Variants in PKN2 observed in about 807,000 individuals in gnomAD.
PKN2 encodes serine/threonine-protein kinase N2.
In PKN2, 38 loss-of-function variants were observed where a neutral mutation model predicts 119.1. The observed-to-expected ratio is 0.32, with a 90% CI of 0.25 to 0.42. PKN2 has a LOEUF of 0.42. PKN2 is among the 10% of genes least tolerant of loss of function. The probability of loss-of-function intolerance (pLI) is 1.00; values close to 1 mark genes in which losing one functional copy is unlikely to be tolerated. For synonymous variants in PKN2, 390 were observed against 384.9 expected (o/e 1.01, Z -0.15); for missense variants, 850 against 1,165.1 (o/e 0.73, Z 3.94).
At chr1:88,793,940 C>G (rs1670949715) in intron 8 of PKN2, among the ~76,000 whole-genome samples, 1 of 152,188 alleles carries the variant, frequency 6.6e-6, no homozygotes, top group Non-Finnish European at 1.5e-5. Flanking sequence ...CCCACAGATA[C>G]AGAGGGTGGA....
intron 2 of PKN2, among the ~76,000 whole-genome samples, chr1:88,752,916 G>T (rs1344083646): frequency 6.6e-6 from 1 of 151,696 alleles, no homozygotes. Context: ...TATTACATTT[G>T]GGTTTATATT....
chr1:88,741,228 C>T lies in PKN2; in HGVS notation c.289C>T (p.His97Tyr). The T allele has an allele frequency of 6.2e-7, 1 of 1,601,200 alleles. No individual in the cohort carries two copies. The highest frequency in any genetic ancestry group is 8.5e-7 in the Non-Finnish European group (1 of 1,176,060). ...ATCAAATAAAAAATTAGAAGAACTA[C>T]ATCACAAGCTGCAGGAATTAAATGC... ...KKSNKKLEEL[H>Y]HKLQELNAHI... The change falls in exon 2 of 22, where the codon CAT (histidine) becomes TAT (tyrosine). Residue 97 changes from histidine to tyrosine, a missense_variant. Physicochemically the swap from His to Tyr is moderately conservative, Grantham distance 83. Coordinates refer to ENST00000370521, the MANE Select transcript of PKN2 (RefSeq NM_006256.4).
At chr1:88,828,383 T>G in intron 18 of PKN2, 98 bp from the exon 19 acceptor site, 1 of 991,868 alleles carries the variant, frequency 1.0e-6, no homozygotes, top group East Asian at 2.5e-5. Context: ...TGCACAAATG[T>G]GCAACTTTAA....
intron 3 of PKN2, 99 bp from the exon 4 acceptor site, chr1:88,770,253 T>C: frequency 4.6e-6 from 3 of 653,192 alleles, no homozygotes; most frequent in Non-Finnish European, 8.2e-6. Context: ...TAACTCTGTT[T>C]TTCACTTGCT....
chr1:88,772,771 A>G (rs1417877146), intron 6 of PKN2, among the ~76,000 whole-genome samples: 1 of 152,178 alleles, frequency 6.6e-6, no homozygotes, highest in East Asian at 1.9e-4. Context: ...CAGCATTTAC[A>G]TTATTTTATA....
At chr1:88,705,982 A>G (rs980005743) in intron 1 of PKN2, among the ~76,000 whole-genome samples, 4 of 152,010 alleles carry the variant, frequency 2.6e-5, no homozygotes, top group Non-Finnish European at 4.4e-5. Context: ...TAGGTTCTTT[A>G]TATTTCCATA....
rs1195029330 is a variant in PKN2 at position 88,834,000 on chromosome 1, ATGAAT to A, written c.*556_*560del. On this transcript the variant is annotated 3_prime_UTR_variant, in exon 22 of 22. Coordinates refer to ENST00000370521, the MANE Select transcript of PKN2 (RefSeq NM_006256.4). ...GCTTGATTTTTTTTAAAAAAACAGAATGAATTGATGTCTTATTTTATAAATGTTCT... is the reference window on the plus strand; with the variant it reads ...GCTTGATTTTTTTTAAAAAAACAGAATGATGTCTTATTTTATAAATGTTCT... 1 of 152,084 alleles carries A rather than the reference ATGAAT, an allele frequency of 6.6e-6. No homozygotes were observed. Among genetic ancestry groups the A allele is most frequent in the Non-Finnish European group, 1.5e-5 (1 of 68,000 alleles). The allele number at this position is 152,084 out of a possible 1,614,324, so 9.4% of individuals were successfully genotyped here.
intron 1 of PKN2, among the ~76,000 whole-genome samples, chr1:88,703,214 T>C (rs1457872944): frequency 1.3e-5 from 2 of 152,158 alleles, no homozygotes; most frequent in Admixed American, 1.3e-4. Flanking sequence ...TTTTTTTTAA[T>C]GTATAGTGAG....
intron 8 of PKN2, among the ~76,000 whole-genome samples, chr1:88,790,546 T>A (rs551374736): frequency 6.6e-6 from 1 of 152,312 alleles, no homozygotes; most frequent in Admixed American, 6.5e-5. Context: ...TCCCTTGATT[T>A]TTAATATTTA....
intron 2 of PKN2, among the ~76,000 whole-genome samples, chr1:88,741,729 C>T (rs1337817810): frequency 1.3e-5 from 2 of 151,982 alleles, no homozygotes; most frequent in African/African-American, 4.8e-5. Context: ...ATTCTTTGTG[C>T]TCTAAGCAAC....
chr1:88,755,545 G>T (rs907079601), intron 2 of PKN2, among the ~76,000 whole-genome samples: 4 of 152,080 alleles, frequency 2.6e-5, no homozygotes, highest in Non-Finnish European at 5.9e-5. Flanking sequence ...ATGACTTCTT[G>T]TGAAGATTAA....
chr1:88,832,931 T>C, intron 20 of PKN2, 80 bp downstream of exon 20: 2 of 1,202,464 alleles, frequency 1.7e-6, no homozygotes, highest in South Asian at 2.9e-5. Context: ...CAGTAGAACT[T>C]TAAAAGCTGT....
At chr1:88,698,410 T>C (rs1666627499) in intron 1 of PKN2, among the ~76,000 whole-genome samples, 1 of 152,164 alleles carries the variant, frequency 6.6e-6, no homozygotes, top group Non-Finnish European at 1.5e-5. Context: ...CAAGAAAATA[T>C]TCTTTATGGT....
chr1:88,786,051 G>T, intron 7 of PKN2, 53 bp from the exon 8 acceptor site: 2 of 1,099,774 alleles, frequency 1.8e-6, no homozygotes. Context: ...CAGTACTTCT[G>T]TTTTTTATAA....
intron 1 of PKN2, among the ~76,000 whole-genome samples, chr1:88,734,236 C>T (rs1452443411): frequency 6.6e-6 from 1 of 151,860 alleles, no homozygotes; most frequent in African/African-American, 2.4e-5. Context: ...CTTTTGTTGC[C>T]CATGCTTTTC....
At chr1:88,788,501 A>G (rs1245454896) in intron 8 of PKN2, among the ~76,000 whole-genome samples, 6 of 151,662 alleles carry the variant, frequency 4.0e-5, no homozygotes, top group African/African-American at 1.5e-4. Context: ...GCTGGAGTGC[A>G]ATGGCACAAT....
chr1:88,689,222 T>TATTAC (rs1666235831), intron 1 of PKN2, among the ~76,000 whole-genome samples: 1 of 152,192 alleles, frequency 6.6e-6, no homozygotes, highest in Admixed American at 6.5e-5. Context: ...CCAGAAAATG[T>TATTAC]GGAAAAGCAC....
chr1:88,690,564 A>C (rs1485170899), intron 1 of PKN2, among the ~76,000 whole-genome samples: 1 of 152,222 alleles, frequency 6.6e-6, no homozygotes, highest in Non-Finnish European at 1.5e-5. Context: ...TAAAATTTAG[A>C]GTGGGAAAAA....
chr1:88,786,024 T>C (rs976877754), intron 7 of PKN2, 80 bp from the exon 8 acceptor site: 37 of 790,188 alleles, frequency 4.7e-5, no homozygotes, highest in African/African-American at 8.7e-5. Context: ...TTAAGACTTT[T>C]ATTGCTAATC....
Sources: gnomAD v4.1 joint callset for allele counts (sites outside exome capture counted in the v4.1 genomes callset) on GRCh38, gnomAD v4.1.1 for gene constraint, MANE v1.5 for transcripts, NCBI Gene and HGNC (gene_info 2026-07-23, HGNC 2026-07-21) for gene names.